ERBB4: variants seen among roughly 807,000 people sequenced by gnomAD.
ERBB4 encodes receptor tyrosine-protein kinase erbB-4.
A neutral mutation model predicts 158.0 loss-of-function variants in ERBB4; 42 were observed. The ratio of observed to expected loss-of-function variants is 0.27; its 90% CI spans 0.21 to 0.34. The LOEUF (loss-of-function observed/expected upper bound fraction) is 0.34, where lower values mean the gene tolerates loss of function less well. ERBB4 is among the 10% of genes least tolerant of loss of function. ERBB4 has a pLI of 1.00. For synonymous variants in ERBB4, 583 were observed against 558.7 expected, an observed-to-expected ratio of 1.04 and a Z score of -0.61; for missense variants, 1,333 against 1,624.1, an observed-to-expected ratio of 0.82 and a Z score of 3.08.
At chr2:211,860,044 T>C (rs538245321) in intron 3 of ERBB4, among the ~76,000 whole-genome samples, 54 of 152,306 alleles carry the variant, frequency 3.5e-4, no homozygotes, top group African/African-American at 1.2e-3. Flanking sequence ...GTGGTTATTA[T>C]ACGCCAAAAC....
chr2:211,811,170 T>G (rs2076746508), intron 3 of ERBB4, among the ~76,000 whole-genome samples: 1 of 152,176 alleles, frequency 6.6e-6, no homozygotes, highest in African/African-American at 2.4e-5. Flanking sequence ...CCTTTCCATG[T>G]TTAGGGCTTC....
intron 13 of ERBB4, among the ~76,000 whole-genome samples, chr2:211,676,291 T>C (rs893471977): frequency 6.6e-6 from 1 of 152,112 alleles, no homozygotes. Context: ...ATGCTTATGG[T>C]TTCCTGGGGT....
chr2:211,867,137 C>CAACTAAT (rs1358550878), intron 3 of ERBB4, among the ~76,000 whole-genome samples: 4 of 147,812 alleles, frequency 2.7e-5, no homozygotes, highest in African/African-American at 1.0e-4. Context: ...TATAAAATGG[C>CAACTAAT]AACTAATTCC....
intron 2 of ERBB4, among the ~76,000 whole-genome samples, chr2:212,093,941 T>C (rs76176553): frequency 0.016 from 2,450 of 152,218 alleles, 30 homozygotes; most frequent in Non-Finnish European, 0.026. Flanking sequence ...TAAGATAACC[T>C]TTCCTTCCAG....
intron 19 of ERBB4, among the ~76,000 whole-genome samples, chr2:211,564,250 G>A (rs1270771154): frequency 1.3e-5 from 2 of 152,064 alleles, no homozygotes; most frequent in Non-Finnish European, 2.9e-5. Context: ...TAACACCAAA[G>A]GCTGAGGAGT....
chr2:211,889,285 G>A (rs1221850683), intron 3 of ERBB4, among the ~76,000 whole-genome samples: 24 of 144,132 alleles, frequency 1.7e-4, no homozygotes, highest in African/African-American at 6.6e-4. Context: ...CCCAGCCGGG[G>A]CACACTGACA....
At chr2:211,852,071 GTTC>G (rs1197102214) in intron 3 of ERBB4, among the ~76,000 whole-genome samples, 1 of 151,874 alleles carries the variant, frequency 6.6e-6, no homozygotes, top group Non-Finnish European at 1.5e-5. Flanking sequence ...TCAGTTTACA[GTTC>G]TTCTACTCTA....
At chr2:211,663,577 T>TC (rs2071512187) in intron 15 of ERBB4, among the ~76,000 whole-genome samples, 1 of 152,090 alleles carries the variant, frequency 6.6e-6, no homozygotes, top group South Asian at 2.1e-4. Flanking sequence ...TATTTCTACT[T>TC]CCCCCACTAT....
intron 7 of ERBB4, among the ~76,000 whole-genome samples, chr2:211,721,642 T>TAC (rs1438235890): frequency 3.3e-4 from 48 of 145,504 alleles, no homozygotes; most frequent in Non-Finnish European, 5.8e-4. Flanking sequence ...TATATATATA[T>TAC]ATACATGTTT....
At chr2:212,264,684 G>A (rs532467945) in intron 1 of ERBB4, among the ~76,000 whole-genome samples, 168 of 152,004 alleles carry the variant, frequency 1.1e-3, no homozygotes, top group Non-Finnish European at 1.5e-3. Context: ...TTATAAAATG[G>A]GAATTAAGTT....
At chr2:211,974,409 G>T (rs2081546104) in intron 2 of ERBB4, among the ~76,000 whole-genome samples, 1 of 152,138 alleles carries the variant, frequency 6.6e-6, no homozygotes, top group Non-Finnish European at 1.5e-5. Flanking sequence ...AAGAATAAAA[G>T]AAAAGAGCAT....
chr2:211,521,995 G>A (rs1005732191), intron 20 of ERBB4, among the ~76,000 whole-genome samples: 2 of 152,104 alleles, frequency 1.3e-5, no homozygotes, highest in African/African-American at 4.8e-5. Context: ...AAATGTACAA[G>A]AAGAACATTG....
chr2:212,217,249 G>A (rs1453388446), intron 1 of ERBB4, among the ~76,000 whole-genome samples: 1 of 151,264 alleles, frequency 6.6e-6, no homozygotes. Context: ...CAATAAAAGG[G>A]TCTTCTGTGG....
chr2:212,365,215 A>T (rs2089841464), intron 1 of ERBB4, among the ~76,000 whole-genome samples: 1 of 151,744 alleles, frequency 6.6e-6, no homozygotes, highest in African/African-American at 2.4e-5. Flanking sequence ...TCAAAGATAT[A>T]TAATCTATAT....
chr2:211,989,341 A>T (rs1263934653), intron 2 of ERBB4, among the ~76,000 whole-genome samples: 1 of 151,960 alleles, frequency 6.6e-6, no homozygotes, highest in African/African-American at 2.4e-5. Flanking sequence ...ACTTGCTTCA[A>T]TGGAAAAATT....
intron 19 of ERBB4, among the ~76,000 whole-genome samples, chr2:211,590,309 A>G (rs1007931475): frequency 6.6e-6 from 1 of 152,180 alleles, no homozygotes; most frequent in Admixed American, 6.5e-5. Context: ...GCCCTTTCCC[A>G]GAACAAACTT....
chr2:211,412,749 A>T (rs1347716303), intron 25 of ERBB4, among the ~76,000 whole-genome samples: 1 of 151,922 alleles, frequency 6.6e-6, no homozygotes, highest in Non-Finnish European at 1.5e-5. Context: ...AGGTCAGGAG[A>T]TCCAGACCAT....
At position 212,015,137 on chromosome 2, in the gene ERBB4, G is replaced by A. The variant is rs1251893795; in HGVS notation, c.235-67521C>T. On this transcript the variant is annotated intron_variant, in intron 2 of 27. Transcript: ENST00000342788. ...AAAAATTAGCCGGGCATGGTGGCGG[G>A]TGCCTGTAGTCCCAGCTACTCGGGA... 2.2e-5 allele frequency among the ~76,000 whole-genome samples: 3 copies of A among 137,978 alleles called. No homozygotes were observed. The East Asian group carries it at 6.1e-4, about 28-fold the overall frequency. The allele number at this position is 137,978 out of a possible 152,430, so 90.5% of individuals were successfully genotyped here.
intron 1 of ERBB4, among the ~76,000 whole-genome samples, chr2:212,469,418 C>T (rs1689005232): frequency 1.3e-5 from 2 of 152,126 alleles, no homozygotes; most frequent in African/African-American, 4.8e-5. Context: ...TAACTGTAAA[C>T]TTCCTTTTCA....
Sources: allele counts gnomAD v4.1 joint callset (sites outside exome capture counted in the v4.1 genomes callset), GRCh38; gene constraint gnomAD v4.1.1; transcripts MANE v1.5; gene names NCBI Gene and HGNC (gene_info 2026-07-23, HGNC 2026-07-21).